The following CTNNA3 variants were observed in gnomAD, a reference collection of about 807,000 sequenced individuals.
The protein encoded by CTNNA3 is catenin alpha-3.
CTNNA3 carries 76 observed loss-of-function variants against 95.7 expected under a neutral mutation model. The ratio of observed to expected loss-of-function variants is 0.79; its 90% CI spans 0.66 to 0.96. CTNNA3 has a LOEUF of 0.96. CTNNA3 is among the 40% of genes least tolerant of loss of function. CTNNA3 has a pLI of 0.00. For synonymous variants in CTNNA3, 431 were observed against 374.4 expected (o/e 1.15, Z -1.74); for missense variants, 1,191 against 1,089.8 (o/e 1.09, Z -1.31).
chr10:67,080,917 CAAAAAAACA>C (rs1324689322), intron 7 of CTNNA3, among the ~76,000 whole-genome samples: 1 of 142,128 alleles, frequency 7.0e-6, no homozygotes, highest in Non-Finnish European at 1.6e-5. Flanking sequence ...TGAAAAAAAA[CAAAAAAACA>C]AAAAAACAAC....
chr10:66,224,343 A>C (rs2089144632), intron 13 of CTNNA3, among the ~76,000 whole-genome samples: 1 of 152,190 alleles, frequency 6.6e-6, no homozygotes, highest in Admixed American at 6.5e-5. Context: ...TGGAGATTCA[A>C]ACTAATGCCT....
intron 12 of CTNNA3, among the ~76,000 whole-genome samples, chr10:66,310,686 C>CT (rs370233209): frequency 0.36 from 47,424 of 132,574 alleles, 8,872 homozygotes; most frequent in Non-Finnish European, 0.38. Context: ...TTATACATAA[C>CT]TTTTTTTTTT....
At chr10:66,149,136 TATATCTAACGC>T (rs1255938922) in intron 13 of CTNNA3, among the ~76,000 whole-genome samples, 1 of 149,204 alleles carries the variant, frequency 6.7e-6, no homozygotes, top group Non-Finnish European at 1.5e-5. Flanking sequence ...TAAATGCATA[TATATCTAACGC>T]ATATATATGT....
At chr10:66,860,953 T>A (rs1843896979) in intron 7 of CTNNA3, among the ~76,000 whole-genome samples, 1 of 152,194 alleles carries the variant, frequency 6.6e-6, no homozygotes, top group Non-Finnish European at 1.5e-5. Context: ...ATTCTAATTA[T>A]CTTTCTTGGT....
intron 10 of CTNNA3, among the ~76,000 whole-genome samples, chr10:66,534,046 A>G (rs1260933643): frequency 2.0e-5 from 3 of 152,196 alleles, no homozygotes; most frequent in African/African-American, 7.2e-5. Context: ...GCTATTCTAA[A>G]GATTATTCCA....
chr10:66,650,864 C>T (rs1004054825), intron 9 of CTNNA3, among the ~76,000 whole-genome samples: 5 of 152,164 alleles, frequency 3.3e-5, no homozygotes, highest in Non-Finnish European at 7.3e-5. Context: ...GGTGCAGACC[C>T]AAAGCAGACC....
chr10:66,780,411 T>TA (rs1840483733), intron 7 of CTNNA3, among the ~76,000 whole-genome samples: 1 of 130,446 alleles, frequency 7.7e-6, no homozygotes, highest in Non-Finnish European at 1.7e-5. Flanking sequence ...TATAATAGAG[T>TA]AACCTGGGTA....
At chr10:66,427,383 G>A (rs1432875704) in intron 11 of CTNNA3, among the ~76,000 whole-genome samples, 1 of 151,580 alleles carries the variant, frequency 6.6e-6, no homozygotes, top group Non-Finnish European at 1.5e-5. Context: ...AGTTGTATTT[G>A]TATTTTGTAC....
intron 17 of CTNNA3, among the ~76,000 whole-genome samples, chr10:65,963,295 A>T (rs1037826550): frequency 1.9e-4 from 29 of 152,176 alleles, no homozygotes; most frequent in African/African-American, 7.0e-4. Flanking sequence ...AAAAGTACCA[A>T]GGAAAGTTGA....
intron 9 of CTNNA3, among the ~76,000 whole-genome samples, chr10:66,761,744 T>C (rs1839609835): frequency 6.6e-6 from 1 of 152,176 alleles, no homozygotes; most frequent in Non-Finnish European, 1.5e-5. Context: ...ATCTCTGATA[T>C]AGCAAAGGGC....
At chr10:67,558,165 C>A (rs944885234) in intron 3 of CTNNA3, among the ~76,000 whole-genome samples, 2 of 152,262 alleles carry the variant, frequency 1.3e-5, no homozygotes, top group East Asian at 1.9e-4. Context: ...TTTGCAGAAC[C>A]TGAGTCATAG....
intron 13 of CTNNA3, among the ~76,000 whole-genome samples, chr10:66,180,312 A>G (rs1360692131): frequency 6.6e-6 from 1 of 152,176 alleles, no homozygotes; most frequent in East Asian, 1.9e-4. Flanking sequence ...AGTAGGTTTT[A>G]GTGAATACAA....
At chr10:66,650,990 T>C (rs888107539) in intron 9 of CTNNA3, among the ~76,000 whole-genome samples, 4 of 152,258 alleles carry the variant, frequency 2.6e-5, no homozygotes, top group South Asian at 2.1e-4. Context: ...CCACATCCTG[T>C]TGATTGGCCC....
intron 13 of CTNNA3, among the ~76,000 whole-genome samples, chr10:66,166,233 A>C (rs1327256466): frequency 6.6e-6 from 1 of 152,048 alleles, no homozygotes. Flanking sequence ...AGGTGGCCGG[A>C]TCACCTGAGA....
In CTNNA3 at chr10:67,391,375, A is replaced by T. The variant is rs1415399652; in HGVS notation, c.579+130467T>A. Among the ~76,000 whole-genome samples, 30 of 151,466 alleles carry T rather than the reference A, an allele frequency of 2.0e-4. 1 individual carries two copies. Among genetic ancestry groups the T allele is most frequent in the African/African-American group, 7.3e-4 (30 of 41,352 alleles). ...GATGTGAAGGACCTCTTCAAGGAGA[A>T]CTACAAACCACTGCTCAAGGAAATA... On this transcript the variant is annotated intron_variant, in intron 5 of 17. Transcript: ENST00000433211.
chr10:65,999,854 G>A (rs958360979), intron 15 of CTNNA3, among the ~76,000 whole-genome samples: 5 of 151,716 alleles, frequency 3.3e-5, no homozygotes, highest in African/African-American at 1.2e-4. Flanking sequence ...GAGAAGAAAG[G>A]GTTAGAGATT....
chr10:66,121,461 C>G (rs1200853382), intron 13 of CTNNA3, among the ~76,000 whole-genome samples: 1 of 151,298 alleles, frequency 6.6e-6, no homozygotes, highest in Admixed American at 6.6e-5. Flanking sequence ...TTTAATACAA[C>G]ATACATACAC....
At chr10:66,088,478 AGGTGTTTTGTGT>A (rs972547031) in intron 14 of CTNNA3, among the ~76,000 whole-genome samples, 1 of 136,736 alleles carries the variant, frequency 7.3e-6, no homozygotes, top group African/African-American at 2.7e-5. Context: ...GTAGATAGGT[AGGTGTTTTGTGT>A]GTGTGTGTGT....
At chr10:66,884,686 G>T (rs1844976628) in intron 7 of CTNNA3, among the ~76,000 whole-genome samples, 1 of 152,112 alleles carries the variant, frequency 6.6e-6, no homozygotes, top group Non-Finnish European at 1.5e-5. Context: ...GAAACTGTGA[G>T]ATAATAAATA....
Sources: gnomAD v4.1 joint callset for allele counts (sites outside exome capture counted in the v4.1 genomes callset) on GRCh38, gnomAD v4.1.1 for gene constraint, MANE v1.5 for transcripts, NCBI Gene and HGNC (gene_info 2026-07-23, HGNC 2026-07-21) for gene names.